Variants in CSMD3 observed in about 807,000 individuals in gnomAD.
CSMD3 encodes CUB and Sushi multiple domains 3.
Under a neutral mutation model 435.2 loss-of-function variants are expected in CSMD3, and 177 were observed. The ratio of observed to expected loss-of-function variants is 0.41; its 90% CI spans 0.36 to 0.46. The LOEUF (loss-of-function observed/expected upper bound fraction) is 0.46. CSMD3 is among the 20% of genes least tolerant of loss of function. The pLI, the probability that CSMD3 is intolerant of heterozygous loss-of-function variation, is 0.34. For missense variants in CSMD3, 4,265 were observed against 4,504.6 expected, an observed-to-expected ratio of 0.95 and a Z score of 1.52; for synonymous variants, 1,656 against 1,520.5, an observed-to-expected ratio of 1.09 and a Z score of -2.07.
At chr8:112,360,723 A>C (rs1347186500) in intron 38 of CSMD3, among the ~76,000 whole-genome samples, 1 of 151,968 alleles carries the variant, frequency 6.6e-6, no homozygotes, top group Non-Finnish European at 1.5e-5. Context: ...GAAGTACAGG[A>C]ACATATTCCC....
intron 22 of CSMD3, among the ~76,000 whole-genome samples, chr8:112,597,016 C>T (rs1831795216): frequency 6.6e-6 from 1 of 152,102 alleles, no homozygotes; most frequent in Non-Finnish European, 1.5e-5. Flanking sequence ...TAACTAAAAT[C>T]AGAGCACAAC....
intron 11 of CSMD3, among the ~76,000 whole-genome samples, chr8:112,851,787 C>T (rs1476591795): frequency 1.3e-5 from 2 of 151,562 alleles, no homozygotes; most frequent in African/African-American, 4.8e-5. Flanking sequence ...ACCTTTGAAT[C>T]GTCAGCTTCA....
At position 112,400,013 on chromosome 8, in the gene CSMD3, C is replaced by T. The variant is rs1329311579; in HGVS notation, c.5809+6511G>A. On this transcript the variant is annotated intron_variant, in intron 35 of 70. Coordinates refer to ENST00000297405, the MANE Select transcript of CSMD3 (RefSeq NM_198123.2). ...ATGCACCTCAAACTCTTCCAGCCTACACCTGTTACCCAGTTCCAAAGCTGC... is the reference window on the plus strand; with the variant it reads ...ATGCACCTCAAACTCTTCCAGCCTATACCTGTTACCCAGTTCCAAAGCTGC... Among the ~76,000 whole-genome samples, 5 of 152,170 alleles carry T rather than the reference C, an allele frequency of 3.3e-5. No homozygotes were observed. In the South Asian group the frequency reaches 8.3e-4, roughly 25 times the overall value.
intron 1 of CSMD3, among the ~76,000 whole-genome samples, chr8:113,359,629 G>GA (rs1272839578): frequency 6.6e-6 from 1 of 152,204 alleles, no homozygotes; most frequent in Non-Finnish European, 1.5e-5. Context: ...CCACATAAAA[G>GA]AAAAGAGTTT....
At chr8:112,861,530 C>T (rs2080827251) in intron 10 of CSMD3, among the ~76,000 whole-genome samples, 1 of 151,714 alleles carries the variant, frequency 6.6e-6, no homozygotes, top group South Asian at 2.1e-4. Context: ...GAATATTATT[C>T]CTTCTTACAT....
intron 1 of CSMD3, among the ~76,000 whole-genome samples, chr8:113,342,262 A>G (rs2094124663): frequency 6.6e-6 from 1 of 152,118 alleles, no homozygotes; most frequent in African/African-American, 2.4e-5. Context: ...TATAACATCA[A>G]AGGGAAAGAA....
chr8:113,107,110 T>G (rs1564322378), intron 4 of CSMD3, among the ~76,000 whole-genome samples: 1 of 152,102 alleles, frequency 6.6e-6, no homozygotes, highest in African/African-American at 2.4e-5. Flanking sequence ...TCTGAACATC[T>G]CCAAACCTGC....
At chr8:112,808,479 A>T (rs2079145078) in intron 12 of CSMD3, among the ~76,000 whole-genome samples, 1 of 152,046 alleles carries the variant, frequency 6.6e-6, no homozygotes, top group Admixed American at 6.6e-5. Flanking sequence ...TAACTTGTGC[A>T]AGCTGACTCC....
intron 1 of CSMD3, among the ~76,000 whole-genome samples, chr8:113,351,258 ATAT>A (rs374321086): frequency 3.9e-5 from 6 of 152,300 alleles, no homozygotes; most frequent in Non-Finnish European, 8.8e-5. Context: ...GTGCTTGAAA[ATAT>A]TATTCTGATG....
At chr8:113,170,419 C>A (rs1465793294) in intron 4 of CSMD3, among the ~76,000 whole-genome samples, 1 of 152,074 alleles carries the variant, frequency 6.6e-6, no homozygotes, top group Non-Finnish European at 1.5e-5. Flanking sequence ...AATTTTGAGG[C>A]TGGAAAGGAA....
chr8:113,345,462 T>C (rs753371071), intron 1 of CSMD3, among the ~76,000 whole-genome samples: 1 of 152,138 alleles, frequency 6.6e-6, no homozygotes, highest in Non-Finnish European at 1.5e-5. Flanking sequence ...GTGTGATGTA[T>C]AGGCTTGTTA....
intron 1 of CSMD3, among the ~76,000 whole-genome samples, chr8:113,337,761 G>C (rs1452924295): frequency 6.6e-6 from 1 of 151,876 alleles, no homozygotes; most frequent in Non-Finnish European, 1.5e-5. Flanking sequence ...ATAAGTTCAA[G>C]AGATCTATTG....
chr8:113,409,035 C>A (rs2094545833), intron 1 of CSMD3, among the ~76,000 whole-genome samples: 1 of 149,982 alleles, frequency 6.7e-6, no homozygotes, highest in South Asian at 2.1e-4. Flanking sequence ...TGCTTTATTT[C>A]TGAAACCATT....
intron 45 of CSMD3, among the ~76,000 whole-genome samples, chr8:112,325,482 A>C (rs1823413367): frequency 6.6e-6 from 1 of 151,908 alleles, no homozygotes; most frequent in Non-Finnish European, 1.5e-5. Context: ...TTTACTATCT[A>C]TTTTCTTATA....
chr8:113,142,377 T>C (rs2091569305), intron 4 of CSMD3, among the ~76,000 whole-genome samples: 1 of 151,262 alleles, frequency 6.6e-6, no homozygotes, highest in Admixed American at 6.6e-5. Context: ...TCATGTGATA[T>C]AGCTATAGTA....
chr8:112,249,415 G>A (rs1395034759), intron 63 of CSMD3, among the ~76,000 whole-genome samples: 1 of 152,038 alleles, frequency 6.6e-6, no homozygotes, highest in Non-Finnish European at 1.5e-5. Context: ...TCTGGGGTAG[G>A]TCCATGAATC....
intron 44 of CSMD3, 42 bp downstream of exon 44, chr8:112,336,610 T>C: frequency 1.4e-6 from 2 of 1,400,740 alleles, no homozygotes; most frequent in East Asian, 2.3e-5. Flanking sequence ...TGTTTTACTG[T>C]GTATATAATT....
intron 5 of CSMD3, among the ~76,000 whole-genome samples, chr8:113,036,807 AT>A (rs1315124438): frequency 6.6e-6 from 1 of 152,108 alleles, no homozygotes; most frequent in South Asian, 2.1e-4. Context: ...AACCTGCAAA[AT>A]TTATTAATCC....
rs989708375 is a variant in CSMD3, at chr8:113,377,150, T to G, written c.178+59527A>C. On this transcript the variant is annotated intron_variant, in intron 1 of 70. Transcript: ENST00000297405. Reference sequence around the variant, plus strand: ...TCCGGTCCTCCAAAGGGCCGAGGGGTGTACGCCCCGGAAACCCTGCAAACC... The same window carrying G: ...TCCGGTCCTCCAAAGGGCCGAGGGGGGTACGCCCCGGAAACCCTGCAAACC... 8.0e-6 allele frequency: 10 copies of G among 1,246,286 alleles called. No individual in the cohort carries two copies. In the African/African-American group the frequency reaches 1.4e-4, roughly 17 times the overall value. The allele number at this position is 1,246,286 out of a possible 1,614,324, so 77.2% of individuals were successfully genotyped here.
Sources: gnomAD v4.1 joint callset for allele counts (sites outside exome capture counted in the v4.1 genomes callset) on GRCh38, gnomAD v4.1.1 for gene constraint, MANE v1.5 for transcripts, NCBI Gene and HGNC (gene_info 2026-07-23, HGNC 2026-07-21) for gene names.